XRN1: variants seen among roughly 807,000 people sequenced by gnomAD.
The protein encoded by XRN1 is 5'-3' exoribonuclease 1.
Under a neutral mutation model 222.3 loss-of-function variants are expected in XRN1, and 67 were observed. That is an observed-to-expected ratio of 0.30 (90% CI 0.25 to 0.37). The LOEUF is 0.37. Ranked by LOEUF, XRN1 falls within the 10% of genes least tolerant of loss-of-function variation. The pLI is 1.00. For missense variants in XRN1, 1,707 were observed against 2,000.2 expected, an observed-to-expected ratio of 0.85 and a Z score of 2.80; for synonymous variants, 643 against 652.4, an observed-to-expected ratio of 0.99 and a Z score of 0.22.
chr3:142,376,576 T>G lies in XRN1; in HGVS notation c.2734A>C (p.Asn912His), dbSNP rs1422318821. Residue 912 changes from asparagine (N) to histidine (H), a missense_variant, in exon 24 of 41, where the codon AAC becomes CAC. By Grantham distance (68) the Asn-to-His change is moderately conservative (BLOSUM62 1). Around this residue, in one of 2 missense-constraint regions of XRN1, gnomAD observed 1,234 missense variants for 1,518.2 expected, o/e 0.81. Transcript: ENST00000392981. ...QNQHKYSIKYNPGYVLASRLG... is the reference protein window; with the variant it reads ...QNQHKYSIKYHPGYVLASRLG... ...CGACTGGCCAACACATATCCTGGGT[T>G]GTACTTTATAGAATATTTCTTTAAA... The G allele has an allele frequency of 6.2e-7, 1 of 1,611,422 alleles. No individual in the cohort carries two copies. The highest frequency in any genetic ancestry group is 1.1e-5 in the South Asian group (1 of 90,596).
chr3:142,312,168 T>G (rs1011625185), intron 40 of XRN1, among the ~76,000 whole-genome samples: 8 of 152,082 alleles, frequency 5.3e-5, no homozygotes, highest in African/African-American at 1.9e-4. Context: ...CCTCAGGTAC[T>G]CGGGAGTCTA....
At position 142,356,892 on chromosome 3, in the gene XRN1, T is replaced by C; in HGVS notation, c.3672+20A>G. 6.2e-7 allele frequency: 1 copy of C among 1,606,190 alleles called. No individual in the cohort carries two copies. Among genetic ancestry groups the C allele is most frequent in the South Asian group, 1.1e-5 (1 of 90,740 alleles). On this transcript the variant is annotated intron_variant, in intron 31 of 40. Transcript: ENST00000392981. ...ATTTGTAAAAGGGGTAGAGGAGAAG[T>C]TAAAGACTGAGAGTCTTACTTGAGT...
At chr3:142,437,289 C>T (rs2069957486) in intron 1 of XRN1, among the ~76,000 whole-genome samples, 2 of 152,190 alleles carry the variant, frequency 1.3e-5, no homozygotes, top group East Asian at 1.9e-4. Flanking sequence ...CAAAATGTTT[C>T]TAGAATCTTA....
In XRN1 at chr3:142,427,487, T is replaced by C. The variant is rs143889508; in HGVS notation, c.309-646A>G. Among the ~76,000 whole-genome samples, 1,442 of 152,342 alleles carry C rather than the reference T, an allele frequency of 9.5e-3. 22 individuals are homozygous for C. The highest frequency in any genetic ancestry group is 0.033 in the African/African-American group (1,364 of 41,574). On this transcript the variant is annotated intron_variant, in intron 2 of 40. Coordinates refer to ENST00000392981, the MANE Select transcript of XRN1 (RefSeq NM_001282857.2). ...AAAGTATAGCTTTAAATGTTCATTA[T>C]ATATACTACATCTAATGATAATGAC... is the stretch of plus-strand genomic sequence containing the variant.
At chr3:142,362,296 C>T (rs1425085082) in intron 29 of XRN1, among the ~76,000 whole-genome samples, 1 of 152,106 alleles carries the variant, frequency 6.6e-6, no homozygotes, top group Admixed American at 6.5e-5. Flanking sequence ...CACCACCATG[C>T]CTGGCTAATT....
intron 18 of XRN1, among the ~76,000 whole-genome samples, chr3:142,401,665 G>A (rs2068138311): frequency 6.6e-6 from 1 of 152,116 alleles, no homozygotes; most frequent in African/African-American, 2.4e-5. Flanking sequence ...AGTGACCCAA[G>A]ATAGCGCCAC....
At chr3:142,330,679 A>T (rs1293758934) in intron 36 of XRN1, among the ~76,000 whole-genome samples, 2 of 151,744 alleles carry the variant, frequency 1.3e-5, no homozygotes, top group African/African-American at 4.8e-5. Flanking sequence ...ATTTTGTCTT[A>T]AAATTAATTT....
rs1339893314 is a variant in XRN1 at position 142,318,629 on chromosome 3, T to C, written c.4584A>G (p.Pro1528=). The C allele has an allele frequency of 6.2e-7, 1 of 1,609,176 alleles. No individual in the cohort carries two copies. Among genetic ancestry groups the C allele is most frequent in the Non-Finnish European group, 8.5e-7 (1 of 1,178,168 alleles). Residue 1528 remains proline, a synonymous_variant, in exon 39 of 41, where the codon CCA becomes CCG. Coordinates refer to ENST00000392981, the MANE Select transcript of XRN1 (RefSeq NM_001282857.2). ...GAAAGGCTGGAGGAATGGTTCCAGGTGGTACAGCTGAAGGATAATTTGCAA... is the reference window on the plus strand; with the variant it reads ...GAAAGGCTGGAGGAATGGTTCCAGGCGGTACAGCTGAAGGATAATTTGCAA... The part of the protein sequence containing the change: ...QVFANYPSAV[P]PGTIPPAFPP...
intron 29 of XRN1, 27 bp downstream of exon 29, chr3:142,365,020 A>C: frequency 6.2e-7 from 1 of 1,602,626 alleles, no homozygotes; most frequent in Non-Finnish European, 8.5e-7. Flanking sequence ...AATTACGTTG[A>C]AGACATTTCA....
chr3:142,312,258 C>T (rs1314053739), intron 40 of XRN1, among the ~76,000 whole-genome samples: 1 of 151,898 alleles, frequency 6.6e-6, no homozygotes, highest in Non-Finnish European at 1.5e-5. Flanking sequence ...CCAGCCTGGG[C>T]TACAGAGTGA....
At chr3:142,330,033 T>C (rs894879941) in intron 36 of XRN1, among the ~76,000 whole-genome samples, 1 of 152,240 alleles carries the variant, frequency 6.6e-6, no homozygotes, top group South Asian at 2.1e-4. Flanking sequence ...AATTGATTAA[T>C]GATAAATTAT....
At chr3:142,379,849 C>T (rs1348654770) in intron 23 of XRN1, among the ~76,000 whole-genome samples, 2 of 150,792 alleles carry the variant, frequency 1.3e-5, no homozygotes, top group Non-Finnish European at 2.9e-5. Context: ...TAATCCATAA[C>T]AATCACTATG....
intron 1 of XRN1, among the ~76,000 whole-genome samples, chr3:142,445,454 T>G (rs1472301849): frequency 3.9e-5 from 6 of 152,362 alleles, no homozygotes; most frequent in African/African-American, 2.4e-5. Flanking sequence ...AATACCTTTC[T>G]GTAGCTCATT....
chr3:142,329,374 C>G (rs1324198437), intron 37 of XRN1, 60 bp downstream of exon 37: 1 of 1,214,110 alleles, frequency 8.2e-7, no homozygotes, highest in East Asian at 3.2e-5. Flanking sequence ...ACATTTTCAA[C>G]CAATTTATTT....
At chr3:142,356,256 T>C (rs2066462811) in intron 31 of XRN1, among the ~76,000 whole-genome samples, 1 of 152,148 alleles carries the variant, frequency 6.6e-6, no homozygotes, top group Non-Finnish European at 1.5e-5. Flanking sequence ...TCTGGAAAAA[T>C]AGGCACCAAA....
chr3:142,422,772 A>T (rs200686665), intron 7 of XRN1, 22 bp from the exon 8 acceptor site: 1 of 1,606,208 alleles, frequency 6.2e-7, no homozygotes, highest in Non-Finnish European at 8.5e-7. Flanking sequence ...TAGAGAACAA[A>T]GTCAAATCCA....
At chr3:142,392,786 C>G (rs890926191) in intron 20 of XRN1, among the ~76,000 whole-genome samples, 18 of 151,878 alleles carry the variant, frequency 1.2e-4, no homozygotes, top group African/African-American at 4.1e-4. Context: ...AATAAACATA[C>G]GTGTGCATGT....
intron 20 of XRN1, among the ~76,000 whole-genome samples, chr3:142,391,985 A>T (rs1269390680): frequency 6.6e-6 from 1 of 151,450 alleles, no homozygotes; most frequent in African/African-American, 2.4e-5. Context: ...ATGTCCTATA[A>T]AGTACTTCCT....
In XRN1 at chr3:142,384,631, A is replaced by G; in HGVS notation, c.2394T>C (p.Ala798=). 6.2e-7 allele frequency: 1 copy of G among 1,610,196 alleles called. No individual in the cohort carries two copies. Among genetic ancestry groups the G allele is most frequent in the Non-Finnish European group, 8.5e-7 (1 of 1,178,398 alleles). Residue 798 remains alanine, a synonymous_variant, in exon 21 of 41, where the codon GCT becomes GCC. Coordinates refer to ENST00000392981, the MANE Select transcript of XRN1 (RefSeq NM_001282857.2). ...IINETSAVVY[A]QLLTGRKYQI... The stretch of plus-strand genomic sequence containing the variant: ...GATATTTACGACCTGTGAGTAACTG[A>G]GCATACACAACTGCAGATGTTTCAT...
Sources: allele counts gnomAD v4.1 joint callset (sites outside exome capture counted in the v4.1 genomes callset), GRCh38; gene constraint gnomAD v4.1.1; regional missense constraint gnomAD v4.1.1; transcripts MANE v1.5; gene names NCBI Gene and HGNC (gene_info 2026-07-23, HGNC 2026-07-21).